Variants in SPHKAP observed in about 807,000 individuals in gnomAD.
SPHKAP encodes the protein SPHK1 interactor, AKAP domain containing, also known as A-kinase anchor protein SPHKAP.
In SPHKAP, 67 loss-of-function variants were observed where a neutral mutation model predicts 137.5. The ratio of observed to expected loss-of-function variants is 0.49; its 90% CI spans 0.40 to 0.60. The LOEUF (loss-of-function observed/expected upper bound fraction) is 0.60. SPHKAP is among the 20% of genes least tolerant of loss of function. The pLI, the probability that SPHKAP is intolerant of heterozygous loss-of-function variation, is 0.00. For synonymous variants in SPHKAP, 813 were observed against 785.3 expected (o/e 1.04, Z -0.59); for missense variants, 2,097 against 2,069.3 (o/e 1.01, Z -0.26).
intron 5 of SPHKAP, among the ~76,000 whole-genome samples, chr2:228,024,759 A>G (rs1574764448): frequency 6.6e-6 from 1 of 152,042 alleles, no homozygotes; most frequent in Admixed American, 6.5e-5. Context: ...TTTCTTGTAA[A>G]TTAATTAATT....
chr2:228,085,052 T>C (rs1304949950), intron 3 of SPHKAP, among the ~76,000 whole-genome samples: 2 of 152,190 alleles, frequency 1.3e-5, no homozygotes, highest in African/African-American at 4.8e-5. Context: ...CAGAACACCA[T>C]GCTGAAGGTC....
chr2:228,126,341 A>G (rs2106368861), intron 2 of SPHKAP, among the ~76,000 whole-genome samples: 1 of 152,270 alleles, frequency 6.6e-6, no homozygotes, highest in South Asian at 2.1e-4. Context: ...TCCAACCTGG[A>G]TGGATTGAAA....
In SPHKAP at chr2:228,032,751, C is replaced by A. The variant is rs1425840360; in HGVS notation, c.247-5208G>T. ...CATTCTTAAAGAAAAGAATTTTCAA[C>A]CCAGAATTTCATATCCAGCCAAACT... On this transcript the variant is annotated intron_variant, in intron 3 of 11. Coordinates refer to ENST00000392056, the MANE Select transcript of SPHKAP (RefSeq NM_001142644.2). Among the ~76,000 whole-genome samples the A allele has an allele frequency of 3.3e-5, 5 of 152,214 alleles. No individual in the cohort carries two copies. The South Asian group carries it at 1.0e-3, about 32-fold the overall frequency.
rs138125924 is a variant in SPHKAP at position 228,090,327 on chromosome 2, G to A, written c.246+18505C>T. On this transcript the variant is annotated intron_variant, in intron 3 of 11. Transcript: ENST00000392056. ...TTTTGGACAATTTCTCCTTTTTGGC[G>A]TAGGAATGTTTACCCAATGTCTGTA... Among the ~76,000 whole-genome samples the A allele has an allele frequency of 6.3e-3, 961 of 152,292 alleles. 16 individuals carry two copies. The highest frequency in any genetic ancestry group is 0.021 in the African/African-American group (881 of 41,572).
chr2:227,984,164 G>A (rs1204336266), intron 11 of SPHKAP, among the ~76,000 whole-genome samples: 9 of 152,082 alleles, frequency 5.9e-5, no homozygotes, highest in East Asian at 1.9e-4. Flanking sequence ...ACCGGGCGTC[G>A]TGGCATGCAC....
At chr2:228,109,257 G>A (rs757350698) in intron 2 of SPHKAP, 1 of 511,864 alleles carries the variant, frequency 2.0e-6, no homozygotes, top group Non-Finnish European at 2.5e-6. Flanking sequence ...ATGGCTATGT[G>A]GGCAATGGGG....
chr2:228,029,660 A>G (rs1407062868), intron 3 of SPHKAP, among the ~76,000 whole-genome samples: 4 of 152,240 alleles, frequency 2.6e-5, no homozygotes, highest in Non-Finnish European at 5.9e-5. Context: ...TGCAAATGGA[A>G]GCATAAATAG....
At chr2:228,082,102 C>G (rs977624020) in intron 3 of SPHKAP, among the ~76,000 whole-genome samples, 1 of 152,172 alleles carries the variant, frequency 6.6e-6, no homozygotes, top group Admixed American at 6.5e-5. Flanking sequence ...AATAAATACT[C>G]TATTTACAAA....
rs569416856 is a variant in SPHKAP at position 228,176,589 on chromosome 2, T to C, written c.32+4978A>G. ...AAGCACCAGGTCTCCAAATATCAAA[T>C]ACAGGGCTGGGCACGTGGCTCACGC... On this transcript the variant is annotated intron_variant, in intron 1 of 11. Coordinates refer to ENST00000392056, the MANE Select transcript of SPHKAP (RefSeq NM_001142644.2). 2.6e-4 allele frequency among the ~76,000 whole-genome samples: 39 copies of C among 152,286 alleles called. No homozygotes were observed. In the South Asian group the frequency reaches 6.6e-3, roughly 26 times the overall value.
At chr2:228,007,850 T>C (rs907930587) in intron 7 of SPHKAP, among the ~76,000 whole-genome samples, 1 of 152,130 alleles carries the variant, frequency 6.6e-6, no homozygotes, top group Non-Finnish European at 1.5e-5. Context: ...GAAAACTGGA[T>C]AGCCACATAG....
chr2:228,051,722 A>T (rs10173206), intron 3 of SPHKAP, among the ~76,000 whole-genome samples: 152,352 of 152,370 alleles, frequency 1, 76,167 homozygotes, highest in Middle Eastern at 1. Context: ...TTACACTGGA[A>T]AATATTTAAA....
intron 1 of SPHKAP, chr2:228,169,871 G>A: frequency 6.6e-6 from 1 of 151,962 alleles, no homozygotes; most frequent in East Asian, 1.9e-4. Flanking sequence ...AAAATTACAA[G>A]GGTATAGTTG....
chr2:227,994,096 GA>G (rs1245544773), intron 8 of SPHKAP: 1 of 985,076 alleles, frequency 1.0e-6, no homozygotes, highest in Non-Finnish European at 1.2e-6. Flanking sequence ...ACATTTGGGG[GA>G]TTTTCTCAGG....
chr2:228,114,315 A>C (rs1330740631), intron 2 of SPHKAP, among the ~76,000 whole-genome samples: 2 of 152,156 alleles, frequency 1.3e-5, no homozygotes, highest in African/African-American at 2.4e-5. Context: ...AAGTTGAAGA[A>C]ATTTAGTATT....
intron 3 of SPHKAP, among the ~76,000 whole-genome samples, chr2:228,070,732 G>A (rs1047708932): frequency 1.3e-5 from 2 of 152,044 alleles, no homozygotes; most frequent in Non-Finnish European, 2.9e-5. Flanking sequence ...AACAACGATG[G>A]CATCTTCAGT....
At chr2:227,992,086 A>T (rs912752218) in intron 9 of SPHKAP, among the ~76,000 whole-genome samples, 4 of 152,164 alleles carry the variant, frequency 2.6e-5, no homozygotes, top group Admixed American at 1.3e-4. Flanking sequence ...AAGTAAGAAC[A>T]TATGGCCAGC....
intron 1 of SPHKAP, among the ~76,000 whole-genome samples, chr2:228,142,427 G>A (rs892859834): frequency 6.6e-6 from 1 of 151,572 alleles, no homozygotes; most frequent in Admixed American, 6.6e-5. Flanking sequence ...AGCCGAGATG[G>A]CACCAGTGCA....
At chr2:228,138,518 T>G (rs1445260053) in intron 1 of SPHKAP, among the ~76,000 whole-genome samples, 1 of 152,222 alleles carries the variant, frequency 6.6e-6, no homozygotes, top group African/African-American at 2.4e-5. Flanking sequence ...TCATGCAAAT[T>G]AAATATGTCA....
At chr2:227,996,569 A>G (rs1693647396) in intron 7 of SPHKAP, among the ~76,000 whole-genome samples, 1 of 152,152 alleles carries the variant, frequency 6.6e-6, no homozygotes, top group Non-Finnish European at 1.5e-5. Context: ...ATAGCTTCCA[A>G]GTCTGGATCC....
Sources: gnomAD v4.1 joint callset for allele counts (sites outside exome capture counted in the v4.1 genomes callset) on GRCh38, gnomAD v4.1.1 for gene constraint, MANE v1.5 for transcripts, NCBI Gene and HGNC (gene_info 2026-07-23, HGNC 2026-07-21) for gene names.